KCTD1: variants seen among roughly 807,000 people sequenced by gnomAD.
The protein encoded by KCTD1 is BTB/POZ domain-containing protein KCTD1.
In KCTD1, 24 loss-of-function variants were observed where a neutral mutation model predicts 66.0. The observed-to-expected ratio is 0.36, with a 90% CI of 0.26 to 0.51. KCTD1 has a LOEUF of 0.51. KCTD1 is among the 20% of genes least tolerant of loss of function. The probability of loss-of-function intolerance (pLI) is 0.95; values close to 1 mark genes in which losing one functional copy is unlikely to be tolerated. For missense variants in KCTD1, 943 were observed against 1,205.2 expected, an observed-to-expected ratio of 0.78 and a Z score of 3.22; for synonymous variants, 511 against 517.2, an observed-to-expected ratio of 0.99 and a Z score of 0.16.
upstream of KCTD1, among the ~76,000 whole-genome samples, chr18:26,641,111 C>G (rs114197757): frequency 2.4e-3 from 367 of 152,256 alleles, 4 homozygotes; most frequent in African/African-American, 8.5e-3. Context: ...GCCTGGCTTG[C>G]TGTGTGTGTA....
chr18:26,632,231 A>G (rs550789102), upstream of KCTD1, among the ~76,000 whole-genome samples: 11 of 152,026 alleles, frequency 7.2e-5, no homozygotes, highest in African/African-American at 1.4e-4. Context: ...CTAAAAATAC[A>G]AAAAATTAGC....
At chr18:26,647,048 A>C (rs1035997733) in intron 1 of KCTD1, among the ~76,000 whole-genome samples, 1 of 152,172 alleles carries the variant, frequency 6.6e-6, no homozygotes, top group African/African-American at 2.4e-5. Flanking sequence ...GGCTATTTCT[A>C]CTAAGTGGGG....
intron 1 of KCTD1, among the ~76,000 whole-genome samples, chr18:26,535,111 G>GTGGC (rs11376459): frequency 8.9e-5 from 10 of 112,152 alleles, no homozygotes; most frequent in South Asian, 3.0e-4. Flanking sequence ...TGGGGTTGGG[G>GTGGC]GGTGGGGGTG....
intron 3 of KCTD1, among the ~76,000 whole-genome samples, chr18:26,466,114 G>C (rs1231820961): frequency 1.3e-5 from 2 of 149,072 alleles, no homozygotes; most frequent in Non-Finnish European, 1.5e-5. Context: ...GGCCTATCCA[G>C]GTCGCCACTC....
At chr18:26,534,158 TAC>T (rs929758065) in intron 1 of KCTD1, among the ~76,000 whole-genome samples, 4 of 152,148 alleles carry the variant, frequency 2.6e-5, no homozygotes, top group African/African-American at 7.2e-5. Flanking sequence ...TTTTTTTATT[TAC>T]AGTCTACTTA....
intron 1 of KCTD1, chr18:26,565,941 A>G (rs1000041521): frequency 2.0e-4 from 30 of 151,924 alleles, no homozygotes; most frequent in African/African-American, 7.3e-4. Flanking sequence ...TATGATGTTA[A>G]GTTTTGTTTA....
chr18:26,552,987 C>CTT (rs773910506), upstream of KCTD1, among the ~76,000 whole-genome samples: 22 of 137,192 alleles, frequency 1.6e-4, no homozygotes, highest in African/African-American at 3.2e-4. Flanking sequence ...CTTTTTCTTT[C>CTT]TTTTTTTTTT....
At chr18:26,643,519 G>A (rs943502869), upstream of KCTD1, among the ~76,000 whole-genome samples, 7 of 152,220 alleles carry the variant, frequency 4.6e-5, no homozygotes, top group African/African-American at 1.7e-4. Flanking sequence ...TTGGTGTCAG[G>A]AATAGAGGGA....
intron 1 of KCTD1, among the ~76,000 whole-genome samples, chr18:26,651,799 A>AAG (rs1555649804): frequency 8.5e-6 from 1 of 117,116 alleles, no homozygotes; most frequent in Non-Finnish European, 1.7e-5. Flanking sequence ...AAAAAAAAAA[A>AAG]AAGAAGAAGA....
chr18:26,631,309 A>G (rs191229239), upstream of KCTD1, among the ~76,000 whole-genome samples: 1 of 152,284 alleles, frequency 6.6e-6, no homozygotes, highest in Non-Finnish European at 1.5e-5. Flanking sequence ...TTCAAACATC[A>G]CTAGGTATAT....
At chr18:26,568,302 C>A (rs1986028766) in intron 1 of KCTD1, among the ~76,000 whole-genome samples, 1 of 152,198 alleles carries the variant, frequency 6.6e-6, no homozygotes, top group South Asian at 2.1e-4. Flanking sequence ...AAGTGTCACT[C>A]CTAGCTCACT....
intron 1 of KCTD1, among the ~76,000 whole-genome samples, chr18:26,624,959 G>A (rs147561750): frequency 6.6e-6 from 1 of 152,284 alleles, no homozygotes; most frequent in African/African-American, 2.4e-5. Context: ...TATGAGACAT[G>A]GAATCAAAGG....
At chr18:26,614,433 C>T (rs1257261897) in intron 1 of KCTD1, among the ~76,000 whole-genome samples, 2 of 152,062 alleles carry the variant, frequency 1.3e-5, no homozygotes, top group African/African-American at 2.4e-5. Flanking sequence ...GAAAGCACAA[C>T]GGAAAAAGGG....
At chr18:26,535,894 C>T (rs138956195) in intron 1 of KCTD1, among the ~76,000 whole-genome samples, 1 of 147,736 alleles carries the variant, frequency 6.8e-6, no homozygotes, top group East Asian at 2.0e-4. Context: ...TGCATAGATT[C>T]ACAGGACTTA....
intron 1 of KCTD1, among the ~76,000 whole-genome samples, chr18:26,518,846 T>C (rs1172602630): frequency 6.6e-6 from 1 of 152,188 alleles, no homozygotes; most frequent in Admixed American, 6.5e-5. Context: ...CCAGCCATCC[T>C]TATCTCCTTA....
chr18:26,557,721 G>A (rs73944626), intron 1 of KCTD1, among the ~76,000 whole-genome samples: 11,187 of 151,998 alleles, frequency 0.074, 573 homozygotes, highest in African/African-American at 0.15. Flanking sequence ...ATTCTGGGGC[G>A]GTGAATTCAC....
intron 1 of KCTD1, among the ~76,000 whole-genome samples, chr18:26,509,023 G>C (rs1336121058): frequency 6.6e-6 from 1 of 152,108 alleles, no homozygotes; most frequent in East Asian, 1.9e-4. Context: ...GGCCTCACTG[G>C]TTTCTTCATT....
At chr18:26,599,822 T>A in intron 1 of KCTD1, 1 of 1,559,576 alleles carries the variant, frequency 6.4e-7, no homozygotes, top group South Asian at 1.1e-5. Context: ...CCTGAGGAAA[T>A]ACAGTCTGTT....
chr18:26,625,305 T>A (rs1022620620), intron 1 of KCTD1, among the ~76,000 whole-genome samples: 9 of 151,970 alleles, frequency 5.9e-5, no homozygotes, highest in African/African-American at 2.2e-4. Flanking sequence ...AACGATATGG[T>A]TTGACTGTGT....
Sources: allele counts gnomAD v4.1 joint callset (sites outside exome capture counted in the v4.1 genomes callset), GRCh38; gene constraint gnomAD v4.1.1; transcripts MANE v1.5; gene names NCBI Gene and HGNC (gene_info 2026-07-23, HGNC 2026-07-21).